The following GRIK2 variants were observed in gnomAD, a reference collection of about 807,000 sequenced individuals.
The protein encoded by GRIK2 is glutamate receptor ionotropic, kainate 2.
Under a neutral mutation model 100.3 loss-of-function variants are expected in GRIK2, and 32 were observed. The ratio of observed to expected loss-of-function variants is 0.32; its 90% confidence interval spans 0.24 to 0.43. The LOEUF is 0.43. Among genes scored for constraint, GRIK2 ranks in the 20% least tolerant of loss-of-function variants. The pLI is 1.00. For synonymous variants in GRIK2, 417 were observed against 389.4 expected (o/e 1.07, Z -0.83); for missense variants, 843 against 1,114.9 (o/e 0.76, Z 3.47).
At chr6:101,412,841 C>T (rs981872442) in intron 2 of GRIK2, among the ~76,000 whole-genome samples, 10 of 151,468 alleles carry the variant, frequency 6.6e-5, no homozygotes, top group South Asian at 2.1e-4. Flanking sequence ...TCTATTGGTA[C>T]GGGATAAATT....
chr6:102,029,652 C>T (rs1037588085), intron 14 of GRIK2, among the ~76,000 whole-genome samples: 1 of 151,118 alleles, frequency 6.6e-6, no homozygotes. Context: ...AAGTATGACC[C>T]CATGGGTGTT....
Position 101,715,036 on chromosome 6 carries a change from C to G in GRIK2, c.951+28683C>G, listed in dbSNP as rs140572615. Among the ~76,000 whole-genome samples, 271 of 151,308 alleles carry G rather than the reference C, an allele frequency of 1.8e-3. 2 individuals carry two copies. Among genetic ancestry groups the G allele is most frequent in the Admixed American group, 3.5e-3 (53 of 15,132 alleles). On this transcript the variant is annotated intron_variant, in intron 7 of 16. Coordinates refer to ENST00000369134, the MANE Select transcript of GRIK2 (RefSeq NM_021956.5). ...TATACAAACGTTTTACAATTTATTT[C>G]CAGGATCAGAAAAGGAACCATATAA...
intron 7 of GRIK2, among the ~76,000 whole-genome samples, chr6:101,792,522 G>A (rs1204936111): frequency 6.6e-6 from 1 of 151,960 alleles, no homozygotes; most frequent in Non-Finnish European, 1.5e-5. Context: ...CTTTAAGAAT[G>A]TTGAATATTG....
intron 4 of GRIK2, among the ~76,000 whole-genome samples, chr6:101,652,775 G>A (rs963367152): frequency 2.0e-5 from 3 of 152,110 alleles, no homozygotes; most frequent in African/African-American, 4.8e-5. Context: ...GTAGCAAAGC[G>A]GTTTCCTCAA....
intron 10 of GRIK2, among the ~76,000 whole-genome samples, chr6:101,851,682 A>G (rs2128440069): frequency 6.6e-6 from 1 of 151,788 alleles, no homozygotes; most frequent in South Asian, 2.1e-4. Context: ...TATATTTACT[A>G]TTTATTTTCT....
rs141274949 is a variant in GRIK2 at position 101,584,462 on chromosome 6, G to A, written c.116-37487G>A. ...TAATAAGACTAAAAAAGTCTGCTTT[G>A]TACATCAGGAAATATTTCCTTAGCA... On this transcript the variant is annotated intron_variant, in intron 2 of 16. Coordinates refer to ENST00000369134, the MANE Select transcript of GRIK2 (RefSeq NM_021956.5). 2.0e-5 allele frequency among the ~76,000 whole-genome samples: 3 copies of A among 151,946 alleles called. No homozygotes were observed. The East Asian group carries it at 5.8e-4, about 29-fold the overall frequency.
chr6:101,554,832 T>C, intron 2 of GRIK2, among the ~76,000 whole-genome samples: 1 of 149,130 alleles, frequency 6.7e-6, no homozygotes, highest in East Asian at 2.0e-4. Context: ...TGCTTTGTTA[T>C]TAAATAAACT....
chr6:101,412,574 GC>G (rs915783446), intron 2 of GRIK2, among the ~76,000 whole-genome samples: 4 of 152,040 alleles, frequency 2.6e-5, no homozygotes, highest in African/African-American at 9.6e-5. Flanking sequence ...TTTCTCAGAA[GC>G]TTTCTTTTTG....
intron 11 of GRIK2, among the ~76,000 whole-genome samples, chr6:101,862,120 C>G (rs1172057171): frequency 1.3e-5 from 2 of 151,960 alleles, no homozygotes; most frequent in Non-Finnish European, 2.9e-5. Flanking sequence ...AGGGTCTGTT[C>G]AGATGTGGTT....
intron 2 of GRIK2, among the ~76,000 whole-genome samples, chr6:101,402,579 G>A (rs1205093092): frequency 1.3e-5 from 2 of 152,192 alleles, no homozygotes; most frequent in African/African-American, 4.8e-5. Flanking sequence ...CCAGGCAGGC[G>A]GGCGAGCCCC....
intron 2 of GRIK2, among the ~76,000 whole-genome samples, chr6:101,422,480 A>C (rs1476449526): frequency 6.6e-6 from 1 of 152,086 alleles, no homozygotes; most frequent in Non-Finnish European, 1.5e-5. Context: ...CTCCTTGGGG[A>C]AGCTAATTTG....
intron 2 of GRIK2, among the ~76,000 whole-genome samples, chr6:101,507,579 AC>A (rs1225740351): frequency 6.6e-6 from 1 of 152,204 alleles, no homozygotes; most frequent in Non-Finnish European, 1.5e-5. Flanking sequence ...TGGTGGACAT[AC>A]ATTTGAATAG....
At chr6:101,900,723 A>G in intron 12 of GRIK2, among the ~76,000 whole-genome samples, 1 of 152,242 alleles carries the variant, frequency 6.6e-6, no homozygotes, top group South Asian at 2.1e-4. Context: ...TTTTATAGGT[A>G]AAATTTCCTG....
chr6:101,529,815 A>G (rs1485694739), intron 2 of GRIK2, among the ~76,000 whole-genome samples: 2 of 152,116 alleles, frequency 1.3e-5, no homozygotes, highest in Admixed American at 1.3e-4. Context: ...TAGCTGGGGA[A>G]TTTGAAAATG....
chr6:101,938,935 T>G (rs760172474), intron 14 of GRIK2, among the ~76,000 whole-genome samples: 1 of 152,002 alleles, frequency 6.6e-6, no homozygotes, highest in Non-Finnish European at 1.5e-5. Flanking sequence ...ATAGCACAAG[T>G]GAGTTCAGTG....
chr6:101,447,510 A>C (rs925585193), intron 2 of GRIK2, among the ~76,000 whole-genome samples: 10 of 151,752 alleles, frequency 6.6e-5, no homozygotes, highest in Non-Finnish European at 1.5e-4. Context: ...GTAATCAGCC[A>C]GTTATTGGTT....
At chr6:101,788,829 A>T (rs1025970506) in intron 7 of GRIK2, among the ~76,000 whole-genome samples, 34 of 152,148 alleles carry the variant, frequency 2.2e-4, no homozygotes, top group African/African-American at 7.5e-4. Flanking sequence ...TCCCACCAAC[A>T]GTGTAAAAGT....
intron 9 of GRIK2, among the ~76,000 whole-genome samples, chr6:101,802,749 G>T (rs1286645093): frequency 2.6e-5 from 4 of 151,580 alleles, no homozygotes; most frequent in African/African-American, 7.3e-5. Context: ...GTTTAATATG[G>T]GTCTTTATAC....
chr6:101,924,127 T>C (rs1270778047), intron 12 of GRIK2, among the ~76,000 whole-genome samples: 1 of 152,130 alleles, frequency 6.6e-6, no homozygotes, highest in Admixed American at 6.5e-5. Context: ...TAATTCTGCA[T>C]TGATTATTTT....
Sources: gnomAD v4.1 joint callset for allele counts (sites outside exome capture counted in the v4.1 genomes callset) on GRCh38, gnomAD v4.1.1 for gene constraint, MANE v1.5 for transcripts, NCBI Gene and HGNC (gene_info 2026-07-23, HGNC 2026-07-21) for gene names.